The following UBE3C variants were observed in gnomAD, a reference collection of about 807,000 sequenced individuals.
UBE3C encodes the protein ubiquitin-protein ligase E3C.
Under a neutral mutation model 129.4 loss-of-function variants are expected in UBE3C, and 42 were observed. The ratio of observed to expected loss-of-function variants is 0.32; its 90% confidence interval spans 0.25 to 0.42. The LOEUF (loss-of-function observed/expected upper bound fraction) is 0.42. Among genes scored for constraint, UBE3C ranks in the 10% least tolerant of loss-of-function variants. UBE3C has a pLI of 1.00. For synonymous variants in UBE3C, 510 were observed against 492.4 expected (o/e 1.04, Z -0.47); for missense variants, 1,049 against 1,319.1 (o/e 0.80, Z 3.17).
chr7:157,265,935 A>G (rs1034044836), intron 22 of UBE3C, among the ~76,000 whole-genome samples: 33 of 152,194 alleles, frequency 2.2e-4, no homozygotes, highest in Non-Finnish European at 2.9e-5. Flanking sequence ...AATTATTTAA[A>G]TTCTGGCACA....
At chr7:157,247,248 C>T (rs1230685224) in intron 18 of UBE3C, among the ~76,000 whole-genome samples, 2 of 152,156 alleles carry the variant, frequency 1.3e-5, no homozygotes, top group Non-Finnish European at 2.9e-5. Flanking sequence ...TTGTTTACTT[C>T]CATTCCTTTA....
intron 21 of UBE3C, 110 bp from the exon 22 acceptor site, chr7:157,256,804 C>CTT (rs1796763539): frequency 7.0e-7 from 1 of 1,437,738 alleles, no homozygotes; most frequent in Non-Finnish European, 9.5e-7. Flanking sequence ...AGAGAAGGGA[C>CTT]TTGAGGATCC....
At chr7:157,169,220 C>T (rs1808299393) in intron 3 of UBE3C, 98 bp downstream of exon 3, 1 of 801,064 alleles carries the variant, frequency 1.2e-6, no homozygotes, top group Non-Finnish European at 2.0e-6. Context: ...TCAATGCTGA[C>T]AGTAGTATTC....
chr7:157,247,111 C>T (rs1447803483), intron 18 of UBE3C, among the ~76,000 whole-genome samples: 5 of 152,124 alleles, frequency 3.3e-5, no homozygotes, highest in African/African-American at 1.2e-4. Flanking sequence ...GTCTGGAACT[C>T]CTGACCTCAG....
rs117779612 is a variant in UBE3C at position 157,266,421 on chromosome 7, G to A, written c.3082-1164G>A. On this transcript the variant is annotated intron_variant, in intron 22 of 22. Coordinates refer to ENST00000348165, the MANE Select transcript of UBE3C (RefSeq NM_014671.3). Reference sequence around the variant, plus strand: ...TCTAAATTTGAATTTTTCTTTTTTTGGCAATAACATCACATAGGTAATGTC... The same window carrying A: ...TCTAAATTTGAATTTTTCTTTTTTTAGCAATAACATCACATAGGTAATGTC... Among the ~76,000 whole-genome samples, 402 of 152,028 alleles carry A rather than the reference G, an allele frequency of 2.6e-3. 6 individuals are homozygous for A. The highest frequency in any genetic ancestry group is 0.02 in the Admixed American group (308 of 15,276).
chr7:157,204,679 CCTT>C (rs1466967319), intron 11 of UBE3C, among the ~76,000 whole-genome samples: 5 of 152,192 alleles, frequency 3.3e-5, no homozygotes, highest in Admixed American at 1.3e-4. Flanking sequence ...AGTTTAGTTT[CCTT>C]CTTCTTGAAG....
Position 157,178,735 on chromosome 7 carries a change from A to G in UBE3C, c.504A>G (p.Pro168=). 4.3e-6 allele frequency: 7 copies of G among 1,614,190 alleles called. No homozygotes were observed. The highest frequency in any genetic ancestry group is 2.2e-5 in the East Asian group (1 of 44,880). ...CNDDSLNVAL[P]MRMLEVFSSE... is the part of the protein sequence containing the mutation. ...ATGACAGTTTGAATGTTGCACTTCCAATGAGAATGCTTGAAGTATTTTCGT... is the reference window on the plus strand; with the variant it reads ...ATGACAGTTTGAATGTTGCACTTCCGATGAGAATGCTTGAAGTATTTTCGT... Residue 168 remains proline (P), a synonymous_variant, in exon 6 of 23, where the codon CCA becomes CCG. Transcript: ENST00000348165.
intron 6 of UBE3C, among the ~76,000 whole-genome samples, chr7:157,181,152 T>C (rs1292172467): frequency 1.3e-5 from 2 of 152,244 alleles, no homozygotes. Flanking sequence ...CATGAGACAG[T>C]TGGAGACTTG....
At chr7:157,203,084 G>A (rs982173534) in intron 11 of UBE3C, among the ~76,000 whole-genome samples, 2 of 152,160 alleles carry the variant, frequency 1.3e-5, no homozygotes, top group South Asian at 4.1e-4. Flanking sequence ...GTTCAGCCAG[G>A]CACAGTCAGC....
Position 157,181,529 on chromosome 7 carries a change from T to G in UBE3C, c.628T>G (p.Ser210Ala). Residue 210 changes from serine (S) to alanine (A), a missense_variant, in exon 7 of 23, where the codon TCT becomes GCT. Around this residue, in one of 4 missense-constraint regions of UBE3C, gnomAD observed 489 missense variants for 513.8 expected, o/e 0.95. Coordinates refer to ENST00000348165, the MANE Select transcript of UBE3C (RefSeq NM_014671.3). The stretch of plus-strand genomic sequence containing the variant: ...GTTTTTCCTTTTAGGGTATTATAGG[T>G]CTCTATATTTGTTGATTAACAGCAA... ...HYMIHNGYYR[S>A]LYLLINSKLP... is the part of the protein sequence containing the mutation. The G allele has an allele frequency of 6.2e-7, 1 of 1,604,890 alleles. No individual in the cohort carries two copies. The highest frequency in any genetic ancestry group is 8.5e-7 in the Non-Finnish European group (1 of 1,177,112).
chr7:157,203,600 T>C (rs1809349951), intron 11 of UBE3C, among the ~76,000 whole-genome samples: 1 of 152,206 alleles, frequency 6.6e-6, no homozygotes, highest in Non-Finnish European at 1.5e-5. Flanking sequence ...ATGGCATTTG[T>C]CTCTTGCTAA....
At chr7:157,195,610 A>G (rs904870143) in intron 10 of UBE3C, among the ~76,000 whole-genome samples, 4 of 152,178 alleles carry the variant, frequency 2.6e-5, no homozygotes, top group Non-Finnish European at 5.9e-5. Context: ...ACCATCATAC[A>G]TGGGAGCAGA....
In UBE3C at chr7:157,197,917, G is replaced by A. The variant is rs985563248; in HGVS notation, c.1332-3804G>A. 1.4e-5 allele frequency: 23 copies of A among 1,604,708 alleles called. No individual in the cohort carries two copies. The East Asian group carries it at 4.7e-4, about 33-fold the overall frequency. On this transcript the variant is annotated intron_variant, in intron 10 of 22. Transcript: ENST00000348165. ...GAGGAAGGTGTACTGACTATTTCAG[G>A]TGTAAGCCTTCCAAGTTTTTGCCCT... is the stretch of plus-strand genomic sequence containing the variant.
chr7:157,170,217 G>A (rs1257853455), intron 3 of UBE3C, 87 bp from the exon 4 acceptor site: 5 of 1,189,926 alleles, frequency 4.2e-6, no homozygotes, highest in East Asian at 6.2e-5. Flanking sequence ...CACCATTCCT[G>A]TAAACACAGC....
chr7:157,211,568 C>T (rs1318774485), intron 13 of UBE3C, among the ~76,000 whole-genome samples: 2 of 151,982 alleles, frequency 1.3e-5, no homozygotes, highest in Non-Finnish European at 1.5e-5. Context: ...TGGCAATGAC[C>T]TTGAGCAGTA....
chr7:157,238,579 G>T (rs73743311), intron 18 of UBE3C, among the ~76,000 whole-genome samples: 9,469 of 152,180 alleles, frequency 0.062, 730 homozygotes, highest in African/African-American at 0.18. Flanking sequence ...GCTGGGAAAG[G>T]TGCGGGCAGG....
intron 1 of UBE3C, among the ~76,000 whole-genome samples, chr7:157,147,317 C>T (rs1391908249): frequency 1.3e-5 from 2 of 152,126 alleles, no homozygotes; most frequent in African/African-American, 4.8e-5. Context: ...GTTTCAGTTT[C>T]AAATTCCAGT....
intron 17 of UBE3C, among the ~76,000 whole-genome samples, chr7:157,226,722 T>TTC (rs1795888914): frequency 6.6e-6 from 1 of 151,436 alleles, no homozygotes; most frequent in Admixed American, 6.6e-5. Flanking sequence ...TTTCAAGCTT[T>TTC]TTTTTTTTTT....
At chr7:157,154,210 A>G (rs564095099) in intron 1 of UBE3C, among the ~76,000 whole-genome samples, 1 of 151,814 alleles carries the variant, frequency 6.6e-6, no homozygotes, top group African/African-American at 2.4e-5. Flanking sequence ...AATCCCAGCA[A>G]CTTGGGAGAC....
Sources: gnomAD v4.1 joint callset for allele counts (sites outside exome capture counted in the v4.1 genomes callset) on GRCh38, gnomAD v4.1.1 for gene constraint, gnomAD v4.1.1 regional missense constraint, MANE v1.5 for transcripts, NCBI Gene and HGNC (gene_info 2026-07-23, HGNC 2026-07-21) for gene names.